The following CAMLG variants were observed in gnomAD, a reference collection of about 807,000 sequenced individuals.
CAMLG encodes calcium modulating ligand, also known as guided entry of tail-anchored proteins factor CAMLG.
A neutral mutation model predicts 28.9 loss-of-function variants in CAMLG; 23 were observed. The ratio of observed to expected loss-of-function variants is 0.80; its 90% CI spans 0.57 to 1.13. CAMLG has a LOEUF of 1.13. Ranked by LOEUF, CAMLG falls within the 50% of genes most tolerant of loss-of-function variation. CAMLG has a pLI of 0.00. For synonymous variants in CAMLG, 141 were observed against 146.5 expected, an observed-to-expected ratio of 0.96 and a Z score of 0.27; for missense variants, 367 against 371.9, an observed-to-expected ratio of 0.99 and a Z score of 0.11.
intron 1 of CAMLG, among the ~76,000 whole-genome samples, chr5:134,740,772 G>C (rs1318155548): frequency 6.6e-6 from 1 of 152,092 alleles, no homozygotes; most frequent in Non-Finnish European, 1.5e-5. Context: ...ACCACACCCA[G>C]CTAATTTTTG....
At chr5:134,750,574 C>T (rs985187026) in intron 3 of CAMLG, among the ~76,000 whole-genome samples, 185 bp from the exon 4 acceptor site, 6 of 152,026 alleles carry the variant, frequency 3.9e-5, no homozygotes, top group Admixed American at 2.6e-4. Context: ...CTGCTATTGC[C>T]TAGCAGATTG....
chr5:134,741,282 T>G lies in CAMLG; in HGVS notation c.392T>G (p.Leu131Arg). 1.2e-6 allele frequency: 2 copies of G among 1,614,120 alleles called. No individual in the cohort carries two copies. Among genetic ancestry groups the G allele is most frequent in the Non-Finnish European group, 1.7e-6 (2 of 1,180,026 alleles). ...TGCAGTAGTGATGTCAACCTTGAGC[T>G]CCGGCAGCGGAACAGAGGGGACCTG... is the stretch of plus-strand genomic sequence containing the variant. ...PECSSDVNLE[L>R]RQRNRGDLTA... Residue 131 changes from leucine (L) to arginine (R), a missense_variant, in exon 2 of 4, where the codon CTC becomes CGC. Physicochemically the swap from Leu to Arg is moderately radical, Grantham distance 102 (BLOSUM62 -2). Transcript: ENST00000297156.
chr5:134,743,526 A>G (rs1174366538), intron 2 of CAMLG, among the ~76,000 whole-genome samples: 1 of 151,604 alleles, frequency 6.6e-6, no homozygotes, highest in East Asian at 1.9e-4. Context: ...GCTGAGATTG[A>G]GCCACTGCAC....
Position 134,741,309 on chromosome 5 carries a change from C to G in CAMLG, c.419C>G (p.Thr140Arg). The change falls in exon 2 of 4, where the codon ACA becomes AGA. Residue 140 changes from threonine to arginine, a missense_variant. Coordinates refer to ENST00000297156, the MANE Select transcript of CAMLG (RefSeq NM_001745.4). ...CGGCAGCGGAACAGAGGGGACCTGACAGCGGACTCGGTCCAGAGGGGTTCC... is the reference window on the plus strand; with the variant it reads ...CGGCAGCGGAACAGAGGGGACCTGAGAGCGGACTCGGTCCAGAGGGGTTCC... ...ELRQRNRGDL[T>R]ADSVQRGSRH... The G allele has an allele frequency of 6.2e-7, 1 of 1,614,178 alleles. No individual in the cohort carries two copies. The highest frequency in any genetic ancestry group is 8.5e-7 in the Non-Finnish European group (1 of 1,180,008).
At chr5:134,739,685 A>C (rs1224640635) in intron 1 of CAMLG, among the ~76,000 whole-genome samples, 1 of 152,174 alleles carries the variant, frequency 6.6e-6, no homozygotes, top group Non-Finnish European at 1.5e-5. Flanking sequence ...TTTGTTCTGT[A>C]AGGCTTTAGG....
intron 3 of CAMLG, among the ~76,000 whole-genome samples, chr5:134,745,328 C>T (rs1204855712): frequency 2.0e-5 from 3 of 149,830 alleles, no homozygotes; most frequent in African/African-American, 7.4e-5. Context: ...CCCAGCTACT[C>T]GGGAGGCTGA....
Position 134,751,419 on chromosome 5 carries a change from A to G in CAMLG, c.*469A>G, listed in dbSNP as rs1753112447. On this transcript the variant is annotated 3_prime_UTR_variant, in exon 4 of 4. Transcript: ENST00000297156. The stretch of plus-strand genomic sequence containing the variant: ...CTGCACATTGTAACTTTTCTTGTTG[A>G]GTTAGTATCTTAATTTTTACTCCAG... 6.6e-6 allele frequency: 1 copy of G among 152,350 alleles called. No individual in the cohort carries two copies. The highest frequency in any genetic ancestry group is 1.5e-5 in the Non-Finnish European group (1 of 68,190). The allele number at this position is 152,350 out of a possible 1,614,324, so 9.4% of individuals were successfully genotyped here. A position where few individuals can be genotyped will look rare whatever the true frequency, so the allele number is the denominator to read the frequency against.
chr5:134,749,323 C>T (rs917504403), intron 3 of CAMLG, among the ~76,000 whole-genome samples: 3 of 152,142 alleles, frequency 2.0e-5, no homozygotes, highest in Non-Finnish European at 2.9e-5. Flanking sequence ...CCACCTCGAC[C>T]TCCCAAAGTG....
Position 134,744,000 on chromosome 5 carries a change from C to A in CAMLG, c.647C>A (p.Pro216Gln). 2 of 1,402,190 alleles carry A rather than the reference C, an allele frequency of 1.4e-6. No individual in the cohort carries two copies. The highest frequency in any genetic ancestry group is 2.0e-6 in the Non-Finnish European group (2 of 990,682). The allele number at this position is 1,402,190 out of a possible 1,614,324, so 86.9% of individuals were successfully genotyped here. A position where few individuals can be genotyped will look rare whatever the true frequency, so the allele number is the denominator to read the frequency against. Residue 216 changes from proline (P) to glutamine (Q), a missense_variant, in exon 3 of 4, where the codon CCA (proline) becomes CAA (glutamine). Physicochemically the swap from Pro to Gln is moderately conservative, Grantham distance 76. Transcript: ENST00000297156. ...CTATCTTCACAGTCCATATTTGCTC[C>A]ATTTCTTACTTTACAACTTGCGTAC... The part of the protein sequence containing the change: ...FVCKYLSIFA[P>Q]FLTLQLAYMG...
intron 3 of CAMLG, among the ~76,000 whole-genome samples, chr5:134,746,410 T>G (rs1446049425): frequency 6.6e-6 from 1 of 152,266 alleles, no homozygotes; most frequent in East Asian, 1.9e-4. Context: ...GGGTACTATG[T>G]AAATGGAAGA....
rs574494492 is a variant in CAMLG at position 134,741,026 on chromosome 5, G to A, written c.173-37G>A. 25 of 1,438,216 alleles carry A rather than the reference G, an allele frequency of 1.7e-5. 1 individual carries two copies. In the South Asian group the frequency reaches 2.7e-4, roughly 15 times the overall value. 89.1% of individuals were successfully genotyped at this position (1,438,216 alleles called of 1,614,324 possible). On this transcript the variant is annotated intron_variant, in intron 1 of 3. Transcript: ENST00000297156. ...AACATGTAAGGTGTTTGCCAGTATG[G>A]AATAAATACATAAGGCTTTTACATT...
At chr5:134,740,534 C>T (rs576012153) in intron 1 of CAMLG, among the ~76,000 whole-genome samples, 174 of 152,250 alleles carry the variant, frequency 1.1e-3, no homozygotes, top group Non-Finnish European at 1.9e-3. Flanking sequence ...TGGGTTATTT[C>T]CTCTGCAGAA....
chr5:134,745,750 C>CAA (rs57899213), intron 3 of CAMLG, among the ~76,000 whole-genome samples: 6 of 117,046 alleles, frequency 5.1e-5, no homozygotes, highest in African/African-American at 1.2e-4. Flanking sequence ...GAGACTGTCT[C>CAA]AAAAAAAAAA....
At chr5:134,739,825 T>C (rs923896724) in intron 1 of CAMLG, among the ~76,000 whole-genome samples, 2 of 152,192 alleles carry the variant, frequency 1.3e-5, no homozygotes, top group Non-Finnish European at 2.9e-5. Context: ...TGATCTTACC[T>C]GAGGTACTTT....
rs1165046671 is a variant in CAMLG, at chr5:134,741,135, C to T, written c.245C>T (p.Ser82Leu). The change falls in exon 2 of 4, where the codon TCA becomes TTA. Residue 82 changes from serine (S) to leucine (L), a missense_variant. Coordinates refer to ENST00000297156, the MANE Select transcript of CAMLG (RefSeq NM_001745.4). ...AACTCCCTCAGCGTTCCTTCCGTTT[C>T]AAAGCGAGTAGTGCTGGGTGATTCA... ...KLNSLSVPSV[S>L]KRVVLGDSVS... is the part of the protein sequence containing the mutation. 1.2e-6 allele frequency: 2 copies of T among 1,614,030 alleles called. No individual in the cohort carries two copies. Among genetic ancestry groups the T allele is most frequent in the Non-Finnish European group, 1.7e-6 (2 of 1,179,976 alleles).
intron 2 of CAMLG, among the ~76,000 whole-genome samples, chr5:134,743,536 C>T (rs1038102056): frequency 6.6e-5 from 10 of 151,784 alleles, no homozygotes; most frequent in Non-Finnish European, 8.8e-5. Flanking sequence ...AGCCACTGCA[C>T]TCCAGCCTGG....
chr5:134,750,902 T>C lies in CAMLG; in HGVS notation c.843T>C (p.Phe281=). ...ATCTCTGTGTCTACTTTTTCACTTT[T>C]ATCTTTTGTCATGAACTGCTTGATT... is the stretch of plus-strand genomic sequence containing the variant. The part of the protein sequence containing the change: ...FTDLCVYFFT[F]IFCHELLDYW... Residue 281 remains phenylalanine, a synonymous_variant, in exon 4 of 4, where the codon TTT becomes TTC. Transcript: ENST00000297156. The C allele has an allele frequency of 6.2e-7, 1 of 1,614,048 alleles. No individual in the cohort carries two copies. Among genetic ancestry groups the C allele is most frequent in the Non-Finnish European group, 8.5e-7 (1 of 1,180,008 alleles).
chr5:134,742,465 A>G (rs562042126), intron 2 of CAMLG, among the ~76,000 whole-genome samples: 4 of 152,352 alleles, frequency 2.6e-5, no homozygotes, highest in East Asian at 1.9e-4. Context: ...ATAATTTGAA[A>G]TAGTAAAATG....
intron 3 of CAMLG, among the ~76,000 whole-genome samples, chr5:134,745,104 G>A (rs1017370088): frequency 2.6e-5 from 4 of 152,362 alleles, no homozygotes; most frequent in South Asian, 2.1e-4. Flanking sequence ...AAGTAAAAGA[G>A]TAAATAACAT....
Sources: gnomAD v4.1 joint callset for allele counts (sites outside exome capture counted in the v4.1 genomes callset) on GRCh38, gnomAD v4.1.1 for gene constraint, MANE v1.5 for transcripts, NCBI Gene and HGNC (gene_info 2026-07-23, HGNC 2026-07-21) for gene names.